The following LAMA2 variants were observed in gnomAD, a reference collection of about 807,000 sequenced individuals.
LAMA2 encodes the protein laminin subunit alpha-2.
Under a neutral mutation model 364.8 loss-of-function variants are expected in LAMA2, and 269 were observed. The ratio of observed to expected loss-of-function variants is 0.74; its 90% CI spans 0.67 to 0.82. The LOEUF (loss-of-function observed/expected upper bound fraction) is 0.82, where lower values mean the gene tolerates loss of function less well. Among genes scored for constraint, LAMA2 ranks in the 40% least tolerant of loss-of-function variants. The pLI is 0.00. For missense variants in LAMA2, 3,807 were observed against 3,873.2 expected, an observed-to-expected ratio of 0.98 and a Z score of 0.45; for synonymous variants, 1,379 against 1,370.6, an observed-to-expected ratio of 1.01 and a Z score of -0.14.
At position 129,471,549 on chromosome 6, in the gene LAMA2, A is replaced by G. The variant is rs540344103; in HGVS notation, c.7301-1665A>G. Among the ~76,000 whole-genome samples, 8 of 152,046 alleles carry G rather than the reference A, an allele frequency of 5.3e-5. No homozygotes were observed. The East Asian group carries it at 1.4e-3, about 26-fold the overall frequency. ...ATACCCACCAAGTCTGTAGAAAGAG[A>G]CTATTTTCATCTTCCAGTCAACAGC... On this transcript the variant is annotated intron_variant, in intron 51 of 64. Coordinates refer to ENST00000421865, the MANE Select transcript of LAMA2 (RefSeq NM_000426.4).
At chr6:129,417,447 G>A (rs2114722998) in intron 40 of LAMA2, among the ~76,000 whole-genome samples, 1 of 152,180 alleles carries the variant, frequency 6.6e-6, no homozygotes, top group South Asian at 2.1e-4. Flanking sequence ...TCAGAGGGGA[G>A]GAAGTGTATG....
chr6:129,442,560 A>C (rs1782170991), intron 43 of LAMA2, among the ~76,000 whole-genome samples: 2 of 152,168 alleles, frequency 1.3e-5, no homozygotes, highest in South Asian at 4.1e-4. Flanking sequence ...GTATAAGTGC[A>C]GGTTTGTTAC....
At chr6:129,323,752 A>T (rs1775106620) in intron 28 of LAMA2, among the ~76,000 whole-genome samples, 1 of 152,210 alleles carries the variant, frequency 6.6e-6, no homozygotes, top group Non-Finnish European at 1.5e-5. Context: ...AATATGGAAA[A>T]TATTCAGCCT....
At chr6:129,279,816 C>T (rs1035169202) in intron 17 of LAMA2, among the ~76,000 whole-genome samples, 5 of 152,128 alleles carry the variant, frequency 3.3e-5, no homozygotes, top group African/African-American at 9.7e-5. Context: ...TCAGAGCAGT[C>T]GAAAGTCAGT....
chr6:128,883,280 T>A lies in LAMA2; in HGVS notation c.35T>A (p.Leu12Gln), dbSNP rs780670230. The A allele has an allele frequency of 6.4e-7, 1 of 1,571,806 alleles. No individual in the cohort carries two copies. Among genetic ancestry groups the A allele is most frequent in the Non-Finnish European group, 8.6e-7 (1 of 1,158,324 alleles). The change falls in exon 1 of 65, where the codon CTG becomes CAG. Residue 12 changes from leucine to glutamine, a missense_variant. Leu to Gln is a moderately radical substitution (Grantham distance 113). This residue lies in a region of LAMA2 where 394 missense variants were observed against 403.5 expected (regional missense o/e 0.98). Coordinates refer to ENST00000421865, the MANE Select transcript of LAMA2 (RefSeq NM_000426.4). The stretch of plus-strand genomic sequence containing the variant: ...GCCGCCGGGGTCCTCCTCCTTCTGC[T>A]GCTCTCCGGAGGCCTCGGGGGCGTA... ...PGAAGVLLLLLLSGGLGGVQA... is the reference protein window; with the variant it reads ...PGAAGVLLLLQLSGGLGGVQA...
At chr6:129,090,809 G>A (rs1245508748) in intron 3 of LAMA2, among the ~76,000 whole-genome samples, 1 of 151,918 alleles carries the variant, frequency 6.6e-6, no homozygotes, top group Non-Finnish European at 1.5e-5. Flanking sequence ...CTCTTTTTTG[G>A]GGATGTTTCT....
At chr6:129,173,757 G>A (rs1780378642) in intron 9 of LAMA2, among the ~76,000 whole-genome samples, 1 of 151,886 alleles carries the variant, frequency 6.6e-6, no homozygotes, top group Non-Finnish European at 1.5e-5. Flanking sequence ...TGGTCTCATG[G>A]TTTGCACTTC....
At chr6:128,910,527 T>C (rs1449525943) in intron 1 of LAMA2, among the ~76,000 whole-genome samples, 2,239 of 152,072 alleles carry the variant, frequency 0.015, 55 homozygotes, top group African/African-American at 0.052. Flanking sequence ...TTATTCTAGT[T>C]ATACATTCTT....
intron 1 of LAMA2, among the ~76,000 whole-genome samples, chr6:128,892,068 C>T (rs34258391): frequency 0.096 from 14,519 of 151,980 alleles, 722 homozygotes; most frequent in African/African-American, 0.12. Context: ...TAAATACTAG[C>T]TCTTTTCTTC....
At chr6:128,922,769 A>T (rs1248358981) in intron 1 of LAMA2, among the ~76,000 whole-genome samples, 1 of 152,174 alleles carries the variant, frequency 6.6e-6, no homozygotes, top group South Asian at 2.1e-4. Flanking sequence ...TGTTTTAGAC[A>T]TGAAGTCTTT....
intron 8 of LAMA2, among the ~76,000 whole-genome samples, chr6:129,155,070 A>T: frequency 6.6e-6 from 1 of 152,212 alleles, no homozygotes; most frequent in East Asian, 1.9e-4. Flanking sequence ...GTGCATCAGT[A>T]GTTCTTTTTC....
At chr6:129,397,829 C>CT (rs1562527132) in intron 37 of LAMA2, among the ~76,000 whole-genome samples, 3 of 150,314 alleles carry the variant, frequency 2.0e-5, no homozygotes, top group African/African-American at 7.4e-5. Flanking sequence ...AGTCCCTACT[C>CT]GGGAGGCTGA....
intron 1 of LAMA2, among the ~76,000 whole-genome samples, chr6:129,025,070 G>GC (rs1785713984): frequency 6.6e-6 from 1 of 152,132 alleles, no homozygotes; most frequent in Admixed American, 6.5e-5. Context: ...AATGAATCTT[G>GC]CAACAGTAAC....
intron 19 of LAMA2, among the ~76,000 whole-genome samples, chr6:129,289,685 T>C (rs1188277033): frequency 1.3e-5 from 2 of 152,116 alleles, no homozygotes; most frequent in African/African-American, 4.8e-5. Flanking sequence ...TTAATTATTG[T>C]AGAAAATTAT....
chr6:129,150,725 G>A (rs1026427893), intron 7 of LAMA2, among the ~76,000 whole-genome samples: 23 of 152,152 alleles, frequency 1.5e-4, no homozygotes, highest in East Asian at 9.7e-4. Flanking sequence ...TTTTAAAAAC[G>A]CAGAAATTCA....
intron 49 of LAMA2, among the ~76,000 whole-genome samples, chr6:129,463,900 A>T (rs1467273267): frequency 3.3e-5 from 5 of 151,948 alleles, no homozygotes; most frequent in Non-Finnish European, 7.4e-5. Flanking sequence ...AATTTGTTGG[A>T]AGGCAAATAT....
intron 20 of LAMA2, among the ~76,000 whole-genome samples, chr6:129,293,719 G>T (rs1471468002): frequency 4.0e-5 from 6 of 151,678 alleles, no homozygotes; most frequent in Admixed American, 2.6e-4. Context: ...AGAAGAGTAG[G>T]AGACAAGACT....
chr6:129,402,072 G>A lies in LAMA2; in HGVS notation c.5563-252G>A, dbSNP rs148978167. 2.7e-3 allele frequency among the ~76,000 whole-genome samples: 411 copies of A among 152,036 alleles called. 2 individuals are homozygous for A. The highest frequency in any genetic ancestry group is 8.1e-3 in the African/African-American group (336 of 41,452). On this transcript the variant is annotated intron_variant, in intron 38 of 64. Coordinates refer to ENST00000421865, the MANE Select transcript of LAMA2 (RefSeq NM_000426.4). ...AATATTCAAAAAATTAGCTGGGTGT[G>A]GTGGTGGGCACCTGTAATCCCAGCT...
intron 12 of LAMA2, among the ~76,000 whole-genome samples, chr6:129,233,493 GAGAAA>G (rs1169408386): frequency 2.6e-5 from 4 of 152,124 alleles, no homozygotes; most frequent in South Asian, 2.1e-4. Context: ...GTGTGTTAGA[GAGAAA>G]AGAAAATACT....
Sources: allele counts gnomAD v4.1 joint callset (sites outside exome capture counted in the v4.1 genomes callset), GRCh38; gene constraint gnomAD v4.1.1; regional missense constraint gnomAD v4.1.1; transcripts MANE v1.5; gene names NCBI Gene and HGNC (gene_info 2026-07-23, HGNC 2026-07-21).